Variants in RNF121 observed in about 807,000 individuals in gnomAD.
The protein encoded by RNF121 is E3 ubiquitin ligase RNF121.
RNF121 carries 21 observed loss-of-function variants against 46.5 expected under a neutral mutation model. That is an observed-to-expected ratio of 0.45 (90% CI 0.32 to 0.65). The LOEUF is 0.65. Ranked by LOEUF, RNF121 falls within the 30% of genes least tolerant of loss-of-function variation. RNF121 has a pLI of 0.04. For synonymous variants in RNF121, 139 were observed against 144.7 expected (o/e 0.96, Z 0.28); for missense variants, 346 against 416.0 (o/e 0.83, Z 1.46).
chr11:71,948,513 C>CA (rs55762433), intron 1 of RNF121, among the ~76,000 whole-genome samples: 16,937 of 35,358 alleles, frequency 0.48, 5,725 homozygotes, highest in Non-Finnish European at 0.64. Context: ...AAACTGTCTC[C>CA]AAAAAAAAAA....
intron 3 of RNF121, among the ~76,000 whole-genome samples, chr11:71,963,775 A>G (rs1303859102): frequency 3.3e-5 from 5 of 152,172 alleles, no homozygotes; most frequent in Admixed American, 6.5e-5. Flanking sequence ...TTCTTTCTCC[A>G]TTGGATGGTC....
intron 6 of RNF121, 97 bp from the exon 7 acceptor site, chr11:71,994,622 G>C (rs182136283): frequency 7.0e-7 from 1 of 1,436,766 alleles, no homozygotes; most frequent in Non-Finnish European, 9.7e-7. Flanking sequence ...CTGCCACTGT[G>C]CCTCTTCTCT....
chr11:71,934,902 T>C (rs1461227793), intron 1 of RNF121, among the ~76,000 whole-genome samples: 1 of 151,906 alleles, frequency 6.6e-6, no homozygotes, highest in African/African-American at 2.4e-5. Flanking sequence ...AGATTACTTA[T>C]TCTGTGCCTA....
At chr11:71,995,265 A>G in intron 7 of RNF121, 185 bp from the exon 8 acceptor site, 1 of 610,676 alleles carries the variant, frequency 1.6e-6, no homozygotes, top group Non-Finnish European at 2.9e-6. Context: ...TTGCCCCATA[A>G]CAGTCTTGTG....
intron 4 of RNF121, among the ~76,000 whole-genome samples, chr11:71,985,594 G>A (rs140451226): frequency 1.6e-4 from 25 of 152,292 alleles, no homozygotes; most frequent in African/African-American, 5.5e-4. Context: ...CTGCTTGCCT[G>A]GCCACAGCAA....
chr11:71,981,978 G>T (rs996373474), intron 3 of RNF121, among the ~76,000 whole-genome samples: 1 of 152,172 alleles, frequency 6.6e-6, no homozygotes, highest in East Asian at 1.9e-4. Context: ...GCCTGGAAAG[G>T]AGACTAGACG....
intron 1 of RNF121, among the ~76,000 whole-genome samples, chr11:71,930,092 A>G (rs188124461): frequency 1.4e-4 from 22 of 152,306 alleles, no homozygotes; most frequent in African/African-American, 4.6e-4. Flanking sequence ...GGAGATGTTG[A>G]GTGTGAAAGG....
intron 7 of RNF121, 45 bp downstream of exon 7, chr11:71,994,897 C>T (rs759786162): frequency 6.2e-7 from 1 of 1,612,648 alleles, no homozygotes; most frequent in South Asian, 1.1e-5. Flanking sequence ...CTGCAATCTG[C>T]ACACTGTAGT....
At chr11:71,973,515 G>C (rs1041362748) in intron 3 of RNF121, among the ~76,000 whole-genome samples, 3 of 151,236 alleles carry the variant, frequency 2.0e-5, no homozygotes, top group African/African-American at 7.3e-5. Flanking sequence ...GGCCGGGCGC[G>C]GTGGCTCATG....
Position 71,997,284 on chromosome 11 carries a change from C to T in RNF121, c.*969C>T, listed in dbSNP as rs1172976383. 1 of 152,134 alleles carries T rather than the reference C, an allele frequency of 6.6e-6. No individual in the cohort carries two copies. Among genetic ancestry groups the T allele is most frequent in the East Asian group, 1.9e-4 (1 of 5,186 alleles). 9.4% of individuals were successfully genotyped at this position (152,134 alleles called of 1,614,324 possible). On this transcript the variant is annotated 3_prime_UTR_variant, in exon 9 of 9. Coordinates refer to ENST00000361756, the MANE Select transcript of RNF121 (RefSeq NM_018320.5). Reference sequence around the variant, plus strand: ...CTTCTCCCTGTGTCAGATGATATGTCCTTGAAGCTGGCAGGGGATTCCCAG... The same window carrying T: ...CTTCTCCCTGTGTCAGATGATATGTTCTTGAAGCTGGCAGGGGATTCCCAG...
At chr11:71,936,199 T>G (rs988301851) in intron 1 of RNF121, among the ~76,000 whole-genome samples, 4 of 152,090 alleles carry the variant, frequency 2.6e-5, no homozygotes, top group African/African-American at 9.7e-5. Context: ...TAATTAACAT[T>G]GGAATGATAG....
At chr11:71,977,226 A>G (rs1431492895) in intron 3 of RNF121, among the ~76,000 whole-genome samples, 2 of 152,192 alleles carry the variant, frequency 1.3e-5, no homozygotes, top group African/African-American at 2.4e-5. Flanking sequence ...CCTAGCTTAC[A>G]ACATGAGGGG....
intron 1 of RNF121, among the ~76,000 whole-genome samples, chr11:71,942,783 T>TAGATATATAGATATATATATAG (rs200563413): frequency 1.2e-4 from 2 of 17,220 alleles, no homozygotes; most frequent in Non-Finnish European, 3.2e-4. Context: ...TATATATATA[T>TAGATATATAGATATATATATAG]ATATATAGAT....
At chr11:71,950,787 G>A (rs557879998) in intron 1 of RNF121, among the ~76,000 whole-genome samples, 9 of 152,050 alleles carry the variant, frequency 5.9e-5, no homozygotes, top group African/African-American at 2.2e-4. Flanking sequence ...CCAGTAGCTG[G>A]GACTACAGGC....
chr11:71,943,165 A>C (rs1953627409), intron 1 of RNF121, among the ~76,000 whole-genome samples: 1 of 152,232 alleles, frequency 6.6e-6, no homozygotes, highest in African/African-American at 2.4e-5. Context: ...AGAAAAGTGG[A>C]TAAATTTAGA....
intron 2 of RNF121, among the ~76,000 whole-genome samples, chr11:71,958,289 G>A (rs1406729920): frequency 6.6e-6 from 1 of 152,096 alleles, no homozygotes; most frequent in Non-Finnish European, 1.5e-5. Context: ...AGAACTGTTA[G>A]CCTCAAAGGG....
chr11:71,959,188 A>G (rs912152464), intron 2 of RNF121, among the ~76,000 whole-genome samples: 12 of 152,192 alleles, frequency 7.9e-5, no homozygotes, highest in African/African-American at 2.7e-4. Context: ...CACCCAGGGT[A>G]AAGTTTTATG....
At chr11:71,936,341 T>A (rs529337070) in intron 1 of RNF121, among the ~76,000 whole-genome samples, 112 of 152,172 alleles carry the variant, frequency 7.4e-4, no homozygotes, top group African/African-American at 2.7e-3. Context: ...CCCATTTGAA[T>A]TCCCATTCCA....
rs1482015891 is a variant in RNF121, at chr11:71,941,832, A to G, written c.63+12708A>G. 4.6e-5 allele frequency among the ~76,000 whole-genome samples: 7 copies of G among 152,328 alleles called. No homozygotes were observed. The East Asian group carries it at 1.4e-3, about 29-fold the overall frequency. On this transcript the variant is annotated intron_variant, in intron 1 of 8. Transcript: ENST00000361756. The stretch of plus-strand genomic sequence containing the variant: ...ACAGATCATAATTAGCAAAGGAAAA[A>G]TGGTTCTGTATGAGGTCAGGGAGTC...
Sources: allele counts gnomAD v4.1 joint callset (sites outside exome capture counted in the v4.1 genomes callset), GRCh38; gene constraint gnomAD v4.1.1; transcripts MANE v1.5; gene names NCBI Gene and HGNC (gene_info 2026-07-23, HGNC 2026-07-21).